Variants in SGCZ observed in about 807,000 individuals in gnomAD.
SGCZ encodes the protein zeta-sarcoglycan.
A neutral mutation model predicts 41.3 loss-of-function variants in SGCZ; 40 were observed. That is an observed-to-expected ratio of 0.97 (90% CI 0.75 to 1.26). SGCZ has a LOEUF of 1.26. Among genes scored for constraint, SGCZ ranks in the 50% most tolerant of loss-of-function variants. The pLI is 0.00. For synonymous variants in SGCZ, 206 were observed against 137.5 expected, an observed-to-expected ratio of 1.50 and a Z score of -3.49; for missense variants, 552 against 369.8, an observed-to-expected ratio of 1.49 and a Z score of -4.04.
intron 2 of SGCZ, among the ~76,000 whole-genome samples, chr8:14,343,372 G>C (rs1159727243): frequency 6.6e-6 from 1 of 152,170 alleles, no homozygotes; most frequent in Non-Finnish European, 1.5e-5. Flanking sequence ...AAAAGCCACA[G>C]ACACTCAACA....
At chr8:15,226,353 A>T (rs1801772631) in intron 1 of SGCZ, among the ~76,000 whole-genome samples, 1 of 152,236 alleles carries the variant, frequency 6.6e-6, no homozygotes, top group African/African-American at 2.4e-5. Flanking sequence ...ATTGTTAAGC[A>T]TAACTCATGG....
intron 1 of SGCZ, among the ~76,000 whole-genome samples, chr8:14,944,964 C>T (rs1028009006): frequency 5.9e-5 from 9 of 152,144 alleles, no homozygotes; most frequent in Admixed American, 2.6e-4. Flanking sequence ...TTTAGGCAAC[C>T]TGCAGTATGT....
chr8:14,360,543 C>A (rs1772646781), intron 2 of SGCZ, among the ~76,000 whole-genome samples: 1 of 152,112 alleles, frequency 6.6e-6, no homozygotes, highest in South Asian at 2.1e-4. Context: ...CCAGGCTGGT[C>A]TCGAACTCCT....
At chr8:14,251,447 G>A (rs1799281854) in intron 3 of SGCZ, among the ~76,000 whole-genome samples, 1 of 152,070 alleles carries the variant, frequency 6.6e-6, no homozygotes, top group Non-Finnish European at 1.5e-5. Context: ...AAACTCTGCT[G>A]TTGTAGGTCA....
At chr8:14,795,549 C>G (rs190248175) in intron 1 of SGCZ, among the ~76,000 whole-genome samples, 2 of 152,184 alleles carry the variant, frequency 1.3e-5, no homozygotes, top group African/African-American at 4.8e-5. Context: ...CACAAGGAAG[C>G]GTTCCACCTC....
intron 4 of SGCZ, among the ~76,000 whole-genome samples, chr8:14,194,363 T>C (rs1300939574): frequency 6.6e-6 from 1 of 151,922 alleles, no homozygotes; most frequent in Admixed American, 6.6e-5. Context: ...AGTGAAGAGA[T>C]ATAAACTTCA....
intron 1 of SGCZ, among the ~76,000 whole-genome samples, chr8:14,840,119 T>C (rs1218035693): frequency 6.6e-5 from 10 of 152,082 alleles, no homozygotes; most frequent in Admixed American, 4.6e-4. Flanking sequence ...AGAAAGTAAA[T>C]GTTCAATAAA....
At chr8:14,464,487 T>A (rs891544937) in intron 2 of SGCZ, among the ~76,000 whole-genome samples, 54 of 46,416 alleles carry the variant, frequency 1.2e-3, no homozygotes, top group African/African-American at 5.3e-3. Context: ...TTGAGTGGTA[T>A]TTTTTTTTTT....
chr8:14,737,770 T>C (rs577071930), intron 1 of SGCZ, among the ~76,000 whole-genome samples: 50 of 152,180 alleles, frequency 3.3e-4, no homozygotes, highest in African/African-American at 1.2e-3. Context: ...AATGACCTCA[T>C]TTTAACTTAA....
At chr8:14,426,176 T>G (rs528447489) in intron 2 of SGCZ, among the ~76,000 whole-genome samples, 3 of 152,150 alleles carry the variant, frequency 2.0e-5, no homozygotes, top group Non-Finnish European at 4.4e-5. Context: ...AGCAAATTTA[T>G]CTTCCATTAA....
intron 1 of SGCZ, among the ~76,000 whole-genome samples, chr8:14,942,322 A>T (rs1451193226): frequency 6.6e-6 from 1 of 152,192 alleles, no homozygotes; most frequent in Non-Finnish European, 1.5e-5. Flanking sequence ...GTATACATTT[A>T]CCATGAGAAA....
intron 4 of SGCZ, among the ~76,000 whole-genome samples, chr8:14,166,472 C>T (rs891811277): frequency 2.0e-5 from 3 of 152,100 alleles, no homozygotes; most frequent in African/African-American, 7.2e-5. Flanking sequence ...TGTGTTAATA[C>T]ATGTGACTTA....
intron 5 of SGCZ, among the ~76,000 whole-genome samples, chr8:14,144,429 A>G (rs1198327863): frequency 6.6e-6 from 1 of 152,148 alleles, no homozygotes; most frequent in African/African-American, 2.4e-5. Flanking sequence ...AGAGTTCATA[A>G]CCTGCTAACT....
At chr8:14,410,238 C>A (rs1799322742) in intron 2 of SGCZ, among the ~76,000 whole-genome samples, 1 of 152,046 alleles carries the variant, frequency 6.6e-6, no homozygotes, top group Admixed American at 6.6e-5. Flanking sequence ...TTCCTTCTGC[C>A]TGTGGAAAAC....
intron 1 of SGCZ, among the ~76,000 whole-genome samples, chr8:14,826,746 C>A (rs188145836): frequency 0.029 from 4,452 of 152,212 alleles, 189 homozygotes; most frequent in African/African-American, 0.093. Flanking sequence ...TGAGAAGTGT[C>A]TGTTTATATC....
intron 2 of SGCZ, among the ~76,000 whole-genome samples, chr8:14,503,941 G>T (rs985682432): frequency 6.6e-6 from 1 of 152,116 alleles, no homozygotes; most frequent in Non-Finnish European, 1.5e-5. Context: ...AAAATGAAAT[G>T]AAAATGTAAG....
chr8:14,417,603 GAAGT>G (rs1471788675), intron 2 of SGCZ, among the ~76,000 whole-genome samples: 2 of 151,558 alleles, frequency 1.3e-5, no homozygotes, highest in African/African-American at 2.4e-5. Flanking sequence ...TTGTCACATA[GAAGT>G]AATATTTACA....
chr8:14,317,231 G>C (rs983205284), intron 3 of SGCZ, among the ~76,000 whole-genome samples: 1 of 151,952 alleles, frequency 6.6e-6, no homozygotes, highest in Non-Finnish European at 1.5e-5. Flanking sequence ...TGGCCACTGT[G>C]GTAAGGTTAT....
At chr8:15,057,113 T>TG (rs772739052) in intron 1 of SGCZ, among the ~76,000 whole-genome samples, 8 of 152,208 alleles carry the variant, frequency 5.3e-5, no homozygotes, top group Non-Finnish European at 1.0e-4. Flanking sequence ...TACCACTGTG[T>TG]GGGCCGATCA....
Sources: gnomAD v4.1 joint callset for allele counts (sites outside exome capture counted in the v4.1 genomes callset) on GRCh38, gnomAD v4.1.1 for gene constraint, MANE v1.5 for transcripts, NCBI Gene and HGNC (gene_info 2026-07-23, HGNC 2026-07-21) for gene names.